Variants in MAML3 observed in about 807,000 individuals in gnomAD.
MAML3 encodes the protein mastermind-like protein 3.
Under a neutral mutation model 101.9 loss-of-function variants are expected in MAML3, and 27 were observed. The ratio of observed to expected loss-of-function variants is 0.27; its 90% confidence interval spans 0.20 to 0.37. MAML3 has a LOEUF of 0.37. Among genes scored for constraint, MAML3 ranks in the 10% least tolerant of loss-of-function variants. The pLI is 1.00. For missense variants in MAML3, 1,316 were observed against 1,444.9 expected, an observed-to-expected ratio of 0.91 and a Z score of 1.45; for synonymous variants, 501 against 555.9, an observed-to-expected ratio of 0.90 and a Z score of 1.39.
At chr4:139,768,990 G>A (rs1290285338) in intron 2 of MAML3, among the ~76,000 whole-genome samples, 1 of 152,200 alleles carries the variant, frequency 6.6e-6, no homozygotes, top group Non-Finnish European at 1.5e-5. Context: ...GCAGCACCAG[G>A]GGCTGACTGA....
At chr4:139,779,987 T>C (rs1427082270) in intron 2 of MAML3, among the ~76,000 whole-genome samples, 1 of 152,270 alleles carries the variant, frequency 6.6e-6, no homozygotes, top group African/African-American at 2.4e-5. Flanking sequence ...CTCTGCTCTG[T>C]TCCCTCGCCC....
At chr4:139,795,539 C>T (rs1730497660) in intron 2 of MAML3, among the ~76,000 whole-genome samples, 1 of 152,148 alleles carries the variant, frequency 6.6e-6, no homozygotes, top group Admixed American at 6.6e-5. Context: ...GTTTGAGGCA[C>T]CACGGTTCTT....
chr4:139,839,238 G>GC (rs1731317809), intron 2 of MAML3, among the ~76,000 whole-genome samples: 1 of 152,140 alleles, frequency 6.6e-6, no homozygotes, highest in Admixed American at 6.5e-5. Context: ...GATTCAGACA[G>GC]CAGCACCGGA....
Position 139,888,977 on chromosome 4 carries a change from T to C in MAML3, c.2079+380A>G, listed in dbSNP as rs1419236489. On this transcript the variant is annotated intron_variant, in intron 2 of 4. Coordinates refer to ENST00000509479, the MANE Select transcript of MAML3 (RefSeq NM_018717.5). ...GTTGTAGACAGCCCTGAATGTCCCC[T>C]GCTTCCCACCACCCAGAGCCTGGGA... is the stretch of plus-strand genomic sequence containing the variant. 3.3e-5 allele frequency among the ~76,000 whole-genome samples: 5 copies of C among 152,326 alleles called. No homozygotes were observed. The East Asian group carries it at 9.6e-4, about 29-fold the overall frequency.
chr4:139,821,369 G>T (rs1419733059), intron 2 of MAML3, among the ~76,000 whole-genome samples: 1 of 152,106 alleles, frequency 6.6e-6, no homozygotes, highest in African/African-American at 2.4e-5. Context: ...TCTCATAGCA[G>T]CACAAACCCT....
chr4:140,102,143 T>C (rs1728262237), intron 1 of MAML3, among the ~76,000 whole-genome samples: 1 of 152,212 alleles, frequency 6.6e-6, no homozygotes, highest in Non-Finnish European at 1.5e-5. Flanking sequence ...TAGCCTGTGC[T>C]TGTGGGCATA....
intron 2 of MAML3, among the ~76,000 whole-genome samples, chr4:139,744,583 A>G (rs1235200552): frequency 6.6e-6 from 1 of 152,142 alleles, no homozygotes; most frequent in Non-Finnish European, 1.5e-5. Context: ...TTTGCTTTCA[A>G]TTTGAATATG....
At chr4:139,918,652 T>C (rs1733069362) in intron 1 of MAML3, among the ~76,000 whole-genome samples, 1 of 152,236 alleles carries the variant, frequency 6.6e-6, no homozygotes, top group South Asian at 2.1e-4. Flanking sequence ...GTAAGCTCCT[T>C]GCAGACAAGC....
intron 2 of MAML3, among the ~76,000 whole-genome samples, chr4:139,863,167 A>T (rs1182459390): frequency 1.5e-5 from 2 of 132,496 alleles, no homozygotes; most frequent in Admixed American, 1.5e-4. Flanking sequence ...AAAAAAAAAA[A>T]AAATAGTAGT....
intron 1 of MAML3, among the ~76,000 whole-genome samples, chr4:140,104,732 A>G (rs1461919375): frequency 6.6e-6 from 1 of 151,682 alleles, no homozygotes; most frequent in East Asian, 1.9e-4. Context: ...AGCTCAAGCG[A>G]TCACCCGCCT....
intron 1 of MAML3, among the ~76,000 whole-genome samples, chr4:140,144,002 C>T (rs1729016593): frequency 6.6e-6 from 1 of 152,124 alleles, no homozygotes; most frequent in Non-Finnish European, 1.5e-5. Context: ...CATCTTCTTT[C>T]ATATTTTCAA....
intron 2 of MAML3, among the ~76,000 whole-genome samples, chr4:139,803,337 T>A (rs1308226381): frequency 6.6e-6 from 1 of 152,208 alleles, no homozygotes; most frequent in African/African-American, 2.4e-5. Flanking sequence ...AAAATCATAG[T>A]TTATCATAAA....
At chr4:140,133,084 G>A in intron 1 of MAML3, 1 of 446,342 alleles carries the variant, frequency 2.2e-6, no homozygotes. Context: ...CTATCAAAAG[G>A]AGCCACTATG....
At chr4:140,024,482 G>T (rs563162464) in intron 1 of MAML3, among the ~76,000 whole-genome samples, 1 of 152,044 alleles carries the variant, frequency 6.6e-6, no homozygotes, top group East Asian at 1.9e-4. Flanking sequence ...TCCCACCTTG[G>T]CTCCCCAAAG....
At chr4:140,058,947 T>C (rs1727398319) in intron 1 of MAML3, among the ~76,000 whole-genome samples, 1 of 152,190 alleles carries the variant, frequency 6.6e-6, no homozygotes, top group African/African-American at 2.4e-5. Context: ...GAAGATGGCA[T>C]CTTCTATATA....
At chr4:139,831,499 T>A (rs1036539667) in intron 2 of MAML3, among the ~76,000 whole-genome samples, 15 of 152,170 alleles carry the variant, frequency 9.9e-5, no homozygotes, top group Non-Finnish European at 2.9e-5. Context: ...TACAACACTG[T>A]CTGTTTATTG....
At chr4:139,828,171 C>A (rs1391118048) in intron 2 of MAML3, among the ~76,000 whole-genome samples, 1 of 152,088 alleles carries the variant, frequency 6.6e-6, no homozygotes, top group Non-Finnish European at 1.5e-5. Context: ...AGAAAAAAAA[C>A]AATTATAACA....
At chr4:139,897,596 C>A (rs575827138) in intron 1 of MAML3, among the ~76,000 whole-genome samples, 4 of 152,186 alleles carry the variant, frequency 2.6e-5, no homozygotes, top group Non-Finnish European at 5.9e-5. Flanking sequence ...ATGCCACTAC[C>A]CCATTCAGAG....
chr4:139,818,837 C>T (rs184442601), intron 2 of MAML3, among the ~76,000 whole-genome samples: 1 of 152,168 alleles, frequency 6.6e-6, no homozygotes, highest in Non-Finnish European at 1.5e-5. Flanking sequence ...AGTATCAGTT[C>T]AATTTCAAAT....
Sources: allele counts gnomAD v4.1 joint callset (sites outside exome capture counted in the v4.1 genomes callset), GRCh38; gene constraint gnomAD v4.1.1; transcripts MANE v1.5; gene names NCBI Gene and HGNC (gene_info 2026-07-23, HGNC 2026-07-21).